The following ADGRG7 variants were observed in gnomAD, a reference collection of about 807,000 sequenced individuals.
The protein encoded by ADGRG7 is G-protein coupled receptor 128.
Under a neutral mutation model 88.6 loss-of-function variants are expected in ADGRG7, and 82 were observed. That is an observed-to-expected ratio of 0.93 (90% CI 0.77 to 1.11). The LOEUF is 1.11. Among genes scored for constraint, ADGRG7 ranks in the 50% most tolerant of loss-of-function variants. The probability of loss-of-function intolerance (pLI) is 0.00; values close to 1 mark genes in which losing one functional copy is unlikely to be tolerated. For synonymous variants in ADGRG7, 381 were observed against 345.2 expected, an observed-to-expected ratio of 1.10 and a Z score of -1.15; for missense variants, 945 against 953.4, an observed-to-expected ratio of 0.99 and a Z score of 0.12.
At position 100,659,749 on chromosome 3, in the gene ADGRG7, A is replaced by C; in HGVS notation, c.1885A>C (p.Ile629Leu). The C allele has an allele frequency of 6.2e-7, 1 of 1,614,008 alleles. No individual in the cohort carries two copies. The change falls in exon 14 of 16, where the codon ATC (isoleucine) becomes CTC (leucine). Residue 629 changes from isoleucine to leucine, a missense_variant. Ile to Leu is a conservative substitution (Grantham distance 5, BLOSUM62 2). Transcript: ENST00000273352. ...AAAAAGTCCGCTGTTGTGGTCATTCATCGTACCTGTAACCATTATCCTCAT... is the reference window on the plus strand; with the variant it reads ...AAAAAGTCCGCTGTTGTGGTCATTCCTCGTACCTGTAACCATTATCCTCAT... ...VIKSPLLWSFIVPVTIILISN... is the reference protein window; with the variant it reads ...VIKSPLLWSFLVPVTIILISN...
intron 15 of ADGRG7, among the ~76,000 whole-genome samples, chr3:100,687,294 T>C (rs1559693257): frequency 6.6e-6 from 1 of 152,216 alleles, no homozygotes; most frequent in Non-Finnish European, 1.5e-5. Context: ...GATGGGGTTT[T>C]CTAGATATAC....
At chr3:100,655,394 A>G (rs1223656834) in intron 12 of ADGRG7, among the ~76,000 whole-genome samples, 1 of 152,178 alleles carries the variant, frequency 6.6e-6, no homozygotes, top group Non-Finnish European at 1.5e-5. Context: ...TACATCGTAA[A>G]CTAACTTAAC....
In ADGRG7 at chr3:100,631,537, T is replaced by G. The variant is rs558997348; in HGVS notation, c.334+728T>G. 2.6e-4 allele frequency among the ~76,000 whole-genome samples: 40 copies of G among 152,280 alleles called. 1 individual carries two copies. The South Asian group carries it at 8.1e-3, about 31-fold the overall frequency. On this transcript the variant is annotated intron_variant, in intron 3 of 15. Transcript: ENST00000273352. ...TACCTGTCCCTTGTTTGCCTTGACTTGCATTTGAGCAGTCCTACTTCTCAC... is the reference window on the plus strand; with the variant it reads ...TACCTGTCCCTTGTTTGCCTTGACTGGCATTTGAGCAGTCCTACTTCTCAC...
chr3:100,620,574 G>T (rs1239251923), intron 1 of ADGRG7, among the ~76,000 whole-genome samples: 1 of 152,158 alleles, frequency 6.6e-6, no homozygotes, highest in Non-Finnish European at 1.5e-5. Flanking sequence ...TCAGGCAGGA[G>T]AAGGAAATAA....
chr3:100,619,187 C>A (rs556833918), intron 1 of ADGRG7, among the ~76,000 whole-genome samples: 2 of 152,052 alleles, frequency 1.3e-5, no homozygotes, highest in Non-Finnish European at 2.9e-5. Flanking sequence ...TGTAAAAGAA[C>A]AGAAATCATA....
intron 1 of ADGRG7, among the ~76,000 whole-genome samples, chr3:100,626,315 G>A (rs976241365): frequency 1.3e-5 from 2 of 151,738 alleles, no homozygotes; most frequent in Non-Finnish European, 2.9e-5. Flanking sequence ...CTTCTTTTTG[G>A]CCTTTCTAAG....
At position 100,695,297 on chromosome 3, in the gene ADGRG7, A is replaced by T; in HGVS notation, c.*296A>T. 3.5e-6 allele frequency: 1 copy of T among 285,942 alleles called. No homozygotes were observed. The highest frequency in any genetic ancestry group is 6.5e-6 in the Non-Finnish European group (1 of 153,994). The allele number at this position is 285,942 out of a possible 1,614,324, so 17.7% of individuals were successfully genotyped here. On this transcript the variant is annotated 3_prime_UTR_variant, in exon 16 of 16. Transcript: ENST00000273352. Reference sequence around the variant, plus strand: ...ACACTTTGACAAAAATGTAGAACCTATAACAAATTCTTTTACAAGTTACTA... The same window carrying T: ...ACACTTTGACAAAAATGTAGAACCTTTAACAAATTCTTTTACAAGTTACTA...
At chr3:100,613,398 C>T (rs1264687073) in intron 1 of ADGRG7, among the ~76,000 whole-genome samples, 1 of 151,952 alleles carries the variant, frequency 6.6e-6, no homozygotes, top group Admixed American at 6.6e-5. Flanking sequence ...AAAAAAAGTC[C>T]AGAGTAGAGT....
Position 100,637,575 on chromosome 3 carries a change from A to C in ADGRG7, c.698+173A>C, listed in dbSNP as rs1169065901. The C allele has an allele frequency of 9.3e-5, 54 of 582,540 alleles. 1 individual carries two copies. The highest frequency in any genetic ancestry group is 3.1e-6 in the Non-Finnish European group (1 of 325,828). 36.1% of individuals were successfully genotyped at this position (582,540 alleles called of 1,614,324 possible). A position where few individuals can be genotyped will look rare whatever the true frequency, so the allele number is the denominator to read the frequency against. Reference sequence around the variant, plus strand: ...CACTTGACCTTTAGTTACTAGATGGAGTGGTATATGTTACCTCCTGCATCC... The same window carrying C: ...CACTTGACCTTTAGTTACTAGATGGCGTGGTATATGTTACCTCCTGCATCC... On this transcript the variant is annotated intron_variant, in intron 6 of 15. Transcript: ENST00000273352.
chr3:100,645,925 A>T lies in ADGRG7; in HGVS notation c.947-20A>T. The T allele has an allele frequency of 6.2e-7, 1 of 1,602,910 alleles. No individual in the cohort carries two copies. The highest frequency in any genetic ancestry group is 2.2e-5 in the East Asian group (1 of 44,798). Reference sequence around the variant, plus strand: ...CCTTACAGTGCACTTATTGATTTTAATGTCTTTTTCTCCCTATAGATTACA... The same window carrying T: ...CCTTACAGTGCACTTATTGATTTTATTGTCTTTTTCTCCCTATAGATTACA... On this transcript the variant is annotated intron_variant, in intron 8 of 15. Coordinates refer to ENST00000273352, the MANE Select transcript of ADGRG7 (RefSeq NM_032787.3).
At chr3:100,672,541 C>T (rs1447866554) in intron 15 of ADGRG7, among the ~76,000 whole-genome samples, 1 of 152,136 alleles carries the variant, frequency 6.6e-6, no homozygotes, top group African/African-American at 2.4e-5. Flanking sequence ...ATTGGATACC[C>T]TTTATTTCTT....
chr3:100,640,439 G>T (rs1293383209), intron 6 of ADGRG7, among the ~76,000 whole-genome samples: 2 of 152,216 alleles, frequency 1.3e-5, no homozygotes, highest in African/African-American at 4.8e-5. Context: ...CTCTGTCAAA[G>T]TGGGCAGAGC....
chr3:100,622,264 A>ATTTTTTTTTT (rs57699713), intron 1 of ADGRG7, among the ~76,000 whole-genome samples: 5 of 130,906 alleles, frequency 3.8e-5, no homozygotes, highest in East Asian at 2.2e-4. Context: ...CTCTATATTC[A>ATTTTTTTTTT]TTTTTTTTTT....
At chr3:100,656,905 T>G (rs936204513) in intron 13 of ADGRG7, among the ~76,000 whole-genome samples, 1 of 152,120 alleles carries the variant, frequency 6.6e-6, no homozygotes, top group Non-Finnish European at 1.5e-5. Flanking sequence ...TAGTTTTAGG[T>G]TTTAAAATTT....
At chr3:100,616,903 CTG>C (rs1331297636) in intron 1 of ADGRG7, among the ~76,000 whole-genome samples, 1 of 152,090 alleles carries the variant, frequency 6.6e-6, no homozygotes, top group African/African-American at 2.4e-5. Context: ...AGCTAGGAAA[CTG>C]TAATTCAACA....
chr3:100,663,421 A>T (rs773560145), intron 14 of ADGRG7, among the ~76,000 whole-genome samples: 1 of 152,044 alleles, frequency 6.6e-6, no homozygotes, highest in African/African-American at 2.4e-5. Flanking sequence ...TACCTGTTTA[A>T]AGAATTCTTA....
chr3:100,666,151 G>A (rs1313464797), intron 14 of ADGRG7, among the ~76,000 whole-genome samples: 1 of 151,866 alleles, frequency 6.6e-6, no homozygotes, highest in African/African-American at 2.4e-5. Context: ...TGAAGGGGTG[G>A]GTTGCCCCTC....
Position 100,646,691 on chromosome 3 carries a change from C to G in ADGRG7, c.1233C>G (p.Arg411=). 6.2e-7 allele frequency: 1 copy of G among 1,614,150 alleles called. No individual in the cohort carries two copies. Among genetic ancestry groups the G allele is most frequent in the Non-Finnish European group, 8.5e-7 (1 of 1,179,974 alleles). The change falls in exon 10 of 16, where the codon CGC becomes CGG. Residue 411 remains arginine (R), a synonymous_variant. Transcript: ENST00000273352. The part of the protein sequence containing the change: ...DKGTDGFLRC[R]CNHTTNFAVL... ...GCACTGATGGATTCCTGCGCTGCCG[C>G]TGCAACCATACTACTAATTTTGCTG...
At chr3:100,688,003 G>A (rs1025271077) in intron 15 of ADGRG7, among the ~76,000 whole-genome samples, 5 of 152,118 alleles carry the variant, frequency 3.3e-5, no homozygotes, top group South Asian at 2.1e-4. Context: ...AATCCATCTG[G>A]TACTGGACTT....
Sources: gnomAD v4.1 joint callset for allele counts (sites outside exome capture counted in the v4.1 genomes callset) on GRCh38, gnomAD v4.1.1 for gene constraint, MANE v1.5 for transcripts, NCBI Gene and HGNC (gene_info 2026-07-23, HGNC 2026-07-21) for gene names.